Variants in GALNT11 observed in about 807,000 individuals in gnomAD.
GALNT11 encodes the protein UDP-GalNAc:polypeptide N-acetylgalactosaminyltransferase 11.
GALNT11 carries 47 observed loss-of-function variants against 72.7 expected under a neutral mutation model. The ratio of observed to expected loss-of-function variants is 0.65; its 90% CI spans 0.51 to 0.82. The LOEUF (loss-of-function observed/expected upper bound fraction) is 0.82. Ranked by LOEUF, GALNT11 falls within the 40% of genes least tolerant of loss-of-function variation. The pLI, the probability that GALNT11 is intolerant of heterozygous loss-of-function variation, is 0.00. For synonymous variants in GALNT11, 270 were observed against 286.6 expected, an observed-to-expected ratio of 0.94 and a Z score of 0.58; for missense variants, 677 against 778.4, an observed-to-expected ratio of 0.87 and a Z score of 1.55.
chr7:152,081,539 CTT>C (rs2085324671), intron 1 of GALNT11, among the ~76,000 whole-genome samples: 1 of 152,148 alleles, frequency 6.6e-6, no homozygotes, highest in Non-Finnish European at 1.5e-5. Flanking sequence ...TAAAAGTTTG[CTT>C]TTTGTGCAGA....
At chr7:152,046,203 C>A (rs945032404) in intron 1 of GALNT11, among the ~76,000 whole-genome samples, 1 of 151,892 alleles carries the variant, frequency 6.6e-6, no homozygotes, top group African/African-American at 2.4e-5. Flanking sequence ...GCTTTTAGAC[C>A]TCAAGGATAG....
intron 1 of GALNT11, among the ~76,000 whole-genome samples, chr7:152,063,440 G>A (rs561490113): frequency 6.6e-6 from 1 of 152,124 alleles, no homozygotes; most frequent in South Asian, 2.1e-4. Flanking sequence ...TTTTTTGAAG[G>A]GTTTTTTGTG....
intron 1 of GALNT11, among the ~76,000 whole-genome samples, chr7:152,030,912 C>T (rs2082278493): frequency 6.6e-6 from 1 of 152,240 alleles, no homozygotes. Context: ...GTTTTGATGG[C>T]TTTGGCAGTG....
chr7:152,030,251 G>A (rs530593734), intron 1 of GALNT11, among the ~76,000 whole-genome samples: 5 of 152,194 alleles, frequency 3.3e-5, no homozygotes, highest in South Asian at 2.1e-4. Context: ...TGATGCTACC[G>A]CTAGATCACG....
In GALNT11 at chr7:152,120,813, T is replaced by TTTA. The variant is rs1213273111; in HGVS notation, c.1558-15_1558-13dup. On this transcript the variant is annotated splice_polypyrimidine_tract_variant and intron_variant, in intron 10 of 11. Transcript: ENST00000430044. ...TTAAAATTCGTTATCTAAATTTTATTTTATTTTTCTTCTCTAGATCTGGAT... is the reference window on the plus strand; with the variant it reads ...TTAAAATTCGTTATCTAAATTTTATTTTATTATTTTTCTTCTCTAGATCTGGAT... 1.3e-6 allele frequency: 2 copies of TTTA among 1,579,146 alleles called. No homozygotes were observed. Among genetic ancestry groups the TTTA allele is most frequent in the Non-Finnish European group, 1.7e-6 (2 of 1,153,490 alleles).
rs202100691 is a variant in GALNT11, at chr7:152,108,118, G to C, written c.793G>C (p.Asp265His). ...LQPLLAAIRE[D>H]RHTVVCPVID... is the part of the protein sequence containing the mutation. The stretch of plus-strand genomic sequence containing the variant: ...GCCCTTGCTGGCCGCCATCCGTGAG[G>C]ACCGGCACACCGTGGTGTGCCCAGT... The change falls in exon 6 of 12, where the codon GAC (aspartate) becomes CAC (histidine). Residue 265 changes from aspartate (D) to histidine (H), a missense_variant. Transcript: ENST00000430044. 1.2e-6 allele frequency: 2 copies of C among 1,613,968 alleles called. No homozygotes were observed. Among genetic ancestry groups the C allele is most frequent in the Admixed American group, 3.3e-5 (2 of 60,006 alleles).
intron 1 of GALNT11, among the ~76,000 whole-genome samples, chr7:152,048,613 T>C (rs1366591571): frequency 6.6e-6 from 1 of 151,736 alleles, no homozygotes; most frequent in African/African-American, 2.4e-5. Context: ...CACTGCAAGC[T>C]CCACCTCCCA....
At chr7:152,119,311 A>G (rs1372352680) in intron 10 of GALNT11, 2 of 152,226 alleles carry the variant, frequency 1.3e-5, no homozygotes, top group Non-Finnish European at 2.9e-5. Context: ...AAAATCAGCA[A>G]ATAACTTCAG....
chr7:152,082,007 A>T (rs766023689), intron 1 of GALNT11, among the ~76,000 whole-genome samples: 1 of 152,154 alleles, frequency 6.6e-6, no homozygotes, highest in Non-Finnish European at 1.5e-5. Context: ...GGACAATGGG[A>T]TTTATTTTAG....
At chr7:152,093,256 G>C (rs1403706997) in intron 1 of GALNT11, among the ~76,000 whole-genome samples, 2 of 151,038 alleles carry the variant, frequency 1.3e-5, no homozygotes, top group Non-Finnish European at 3.0e-5. Flanking sequence ...AAAAAGCTTA[G>C]GAAAAATTGC....
rs2089459138 is a variant in GALNT11 at position 152,121,890 on chromosome 7, T to G, written c.*213T>G. ...GTGTCCACGGGTGAAGAAGTGAGTG[T>G]CCACGGGTGAAGAAGTGAGTATGTT... On this transcript the variant is annotated 3_prime_UTR_variant, in exon 12 of 12. Coordinates refer to ENST00000430044, the MANE Select transcript of GALNT11 (RefSeq NM_022087.4). The G allele has an allele frequency of 1.9e-5, 10 of 513,242 alleles. No individual in the cohort carries two copies. The highest frequency in any genetic ancestry group is 3.4e-5 in the Non-Finnish European group (10 of 295,200). The allele number at this position is 513,242 out of a possible 1,614,324, so 31.8% of individuals were successfully genotyped here.
At chr7:152,101,299 C>T (rs1373058077) in intron 3 of GALNT11, among the ~76,000 whole-genome samples, 1 of 151,990 alleles carries the variant, frequency 6.6e-6, no homozygotes, top group Non-Finnish European at 1.5e-5. Context: ...TTTTTTCCAT[C>T]AAAGGCTTTT....
intron 1 of GALNT11, among the ~76,000 whole-genome samples, chr7:152,072,009 CAAAAAAA>C (rs11366450): frequency 4.5e-5 from 3 of 67,014 alleles, no homozygotes; most frequent in African/African-American, 1.3e-4. Flanking sequence ...AACTCTGTCT[CAAAAAAA>C]AAAAAAAAAA....
intron 8 of GALNT11, chr7:152,116,763 C>A: frequency 2.8e-6 from 1 of 356,338 alleles, no homozygotes. Flanking sequence ...GCCAGCCAGC[C>A]AGCAAAAAGG....
At chr7:152,056,305 G>A (rs1335007128) in intron 1 of GALNT11, among the ~76,000 whole-genome samples, 2 of 152,142 alleles carry the variant, frequency 1.3e-5, no homozygotes, top group African/African-American at 4.8e-5. Flanking sequence ...GCAGCATCTG[G>A]GGCATTTACC....
chr7:152,104,989 C>T (rs2087374474), intron 4 of GALNT11: 4 of 251,376 alleles, frequency 1.6e-5, no homozygotes, highest in South Asian at 2.4e-4. Context: ...GCATTGTGCT[C>T]GATGCTATGG....
intron 2 of GALNT11, among the ~76,000 whole-genome samples, chr7:152,099,544 T>G (rs1365606240): frequency 5.9e-5 from 8 of 134,774 alleles, no homozygotes; most frequent in African/African-American, 1.7e-4. Flanking sequence ...TTTTTTTTTT[T>G]TTTTTTTTTT....
Position 152,106,259 on chromosome 7 carries a change from T to C in GALNT11, c.712+889T>C, listed in dbSNP as rs536488577. On this transcript the variant is annotated intron_variant, in intron 5 of 11. Transcript: ENST00000430044. ...GGGATATTCCCTAGCAGTGACAGCA[T>C]CTACTGCAGTCCTTCCTATATTCCA... Among the ~76,000 whole-genome samples the C allele has an allele frequency of 1.6e-3, 237 of 152,354 alleles. 4 individuals carry two copies. In the South Asian group the frequency reaches 0.029, roughly 18 times the overall value.
intron 1 of GALNT11, among the ~76,000 whole-genome samples, chr7:152,029,071 C>A (rs2082182094): frequency 6.6e-6 from 1 of 152,132 alleles, no homozygotes; most frequent in Non-Finnish European, 1.5e-5. Context: ...ATTTCAGAAG[C>A]CTTTTCCTAT....
Sources: gnomAD v4.1 joint callset for allele counts (sites outside exome capture counted in the v4.1 genomes callset) on GRCh38, gnomAD v4.1.1 for gene constraint, MANE v1.5 for transcripts, NCBI Gene and HGNC (gene_info 2026-07-23, HGNC 2026-07-21) for gene names.